Variants in ASPH observed in about 807,000 individuals in gnomAD.
The protein encoded by ASPH is aspartyl/asparaginyl beta-hydroxylase.
In ASPH, 100 loss-of-function variants were observed where a neutral mutation model predicts 118.4. The ratio of observed to expected loss-of-function variants is 0.84; its 90% CI spans 0.72 to 1.00. The LOEUF is 1.00. Among genes scored for constraint, ASPH ranks in the 50% least tolerant of loss-of-function variants. The pLI is 0.00. For missense variants in ASPH, 920 were observed against 919.5 expected (o/e 1.00, Z -0.01); for synonymous variants, 315 against 325.6 (o/e 0.97, Z 0.35).
At chr8:61,622,864 G>A (rs1851475512) in intron 13 of ASPH, among the ~76,000 whole-genome samples, 1 of 152,140 alleles carries the variant, frequency 6.6e-6, no homozygotes, top group Non-Finnish European at 1.5e-5. Flanking sequence ...CGCAGAGTGG[G>A]TGCATTCAAT....
At chr8:61,629,998 G>T (rs150748683) in intron 13 of ASPH, among the ~76,000 whole-genome samples, 64 of 152,202 alleles carry the variant, frequency 4.2e-4, no homozygotes, top group African/African-American at 1.5e-3. Flanking sequence ...TGGGGTCTTA[G>T]AACTATTAAA....
At chr8:61,607,336 T>C (rs1356357828) in intron 14 of ASPH, 1 of 699,768 alleles carries the variant, frequency 1.4e-6, no homozygotes, top group Non-Finnish European at 2.6e-6. Context: ...TAAATGAAAG[T>C]GTGTCGGAAT....
chr8:61,576,662 C>G (rs890050441), intron 16 of ASPH, 110 bp downstream of exon 16: 2 of 911,454 alleles, frequency 2.2e-6, no homozygotes, highest in Non-Finnish European at 3.3e-6. Context: ...ACATGAGAAA[C>G]TGATTCTGTA....
intron 16 of ASPH, among the ~76,000 whole-genome samples, chr8:61,575,033 G>C (rs1834678067): frequency 6.6e-6 from 1 of 152,078 alleles, no homozygotes; most frequent in Non-Finnish European, 1.5e-5. Context: ...TTGACTTGCT[G>C]CTTTCTCTTG....
chr8:61,665,279 T>C lies in ASPH; in HGVS notation c.323-11619A>G, dbSNP rs145678786. The stretch of plus-strand genomic sequence containing the variant: ...GCCGTTTCTTTTCTGGGTATTTCCC[T>C]TTGTTAAGTGTGCATATCTGGTAGA... On this transcript the variant is annotated intron_variant, in intron 3 of 24. Transcript: ENST00000379454. 8.4e-4 allele frequency: 1,349 copies of C among 1,605,046 alleles called. 2 individuals carry two copies. The highest frequency in any genetic ancestry group is 1.4e-3 in the Admixed American group (83 of 57,724).
chr8:61,660,557 G>T (rs186436901), intron 3 of ASPH: 7 of 152,208 alleles, frequency 4.6e-5, no homozygotes, highest in Non-Finnish European at 7.4e-5. Context: ...ACATTCCTGA[G>T]GGTCCATAGA....
intron 7 of ASPH, 116 bp from the exon 8 acceptor site, chr8:61,644,117 G>T: frequency 1.2e-6 from 1 of 818,572 alleles, no homozygotes; most frequent in Non-Finnish European, 2.0e-6. Context: ...AAGTCATAAT[G>T]ATATTCAAAC....
Position 61,576,871 on chromosome 8 carries a change from C to CA in ASPH, c.1063-14dup. The CA allele has an allele frequency of 6.4e-7, 1 of 1,574,720 alleles. No individual in the cohort carries two copies. Among genetic ancestry groups the CA allele is most frequent in the Non-Finnish European group, 8.7e-7 (1 of 1,150,610 alleles). On this transcript the variant is annotated splice_polypyrimidine_tract_variant and intron_variant, in intron 15 of 24. Coordinates refer to ENST00000379454, the MANE Select transcript of ASPH (RefSeq NM_004318.4). ...CCTCAATTTTTCCCTGTTAGAAAGA[C>CA]AAAATTACATAAATAAAATAAATTA...
At chr8:61,601,921 C>T (rs1367753856) in intron 14 of ASPH, among the ~76,000 whole-genome samples, 1 of 151,396 alleles carries the variant, frequency 6.6e-6, no homozygotes, top group Non-Finnish European at 1.5e-5. Flanking sequence ...CCCAAGGTTA[C>T]TTAAGAATAA....
intron 3 of ASPH, chr8:61,664,387 T>G (rs1455713300): frequency 2.1e-6 from 2 of 974,950 alleles, no homozygotes; most frequent in Middle Eastern, 5.2e-4. Context: ...AAAACCTTTC[T>G]ATAGTTATTC....
intron 21 of ASPH, among the ~76,000 whole-genome samples, chr8:61,529,644 A>T (rs1816828632): frequency 6.6e-6 from 1 of 152,196 alleles, no homozygotes; most frequent in Non-Finnish European, 1.5e-5. Flanking sequence ...TCCTAATTAC[A>T]CTCGGCATGT....
intron 3 of ASPH, chr8:61,664,038 A>G (rs1299780427): frequency 4.3e-6 from 4 of 936,676 alleles, no homozygotes; most frequent in African/African-American, 1.8e-5. Flanking sequence ...TCTGTTGTTA[A>G]TAAGGTTAAC....
chr8:61,677,520 C>T (rs959856413), intron 3 of ASPH, among the ~76,000 whole-genome samples: 8 of 152,078 alleles, frequency 5.3e-5, no homozygotes, highest in Admixed American at 1.3e-4. Flanking sequence ...AAGGATAAGA[C>T]GACAACTAAT....
intron 15 of ASPH, among the ~76,000 whole-genome samples, chr8:61,577,636 C>A (rs192301500): frequency 1.3e-5 from 2 of 152,168 alleles, no homozygotes; most frequent in African/African-American, 4.8e-5. Flanking sequence ...AGGAAACTTG[C>A]GATTGTGGCA....
intron 1 of ASPH, among the ~76,000 whole-genome samples, chr8:61,713,244 G>A (rs1344017973): frequency 6.6e-6 from 1 of 152,152 alleles, no homozygotes; most frequent in African/African-American, 2.4e-5. Flanking sequence ...AATATTTATT[G>A]AGCACCTATT....
chr8:61,678,525 A>G (rs1432260266), intron 3 of ASPH, among the ~76,000 whole-genome samples: 1 of 152,108 alleles, frequency 6.6e-6, no homozygotes, highest in East Asian at 1.9e-4. Context: ...TTACTCACAT[A>G]TATTTAATTC....
In ASPH at chr8:61,637,901, C is replaced by T. The variant is rs749589148; in HGVS notation, c.889+46G>A. ...CGATAAATAACTGAATAAACAAACA[C>T]AATTCTCATATGGAAGGTAAAACCA... On this transcript the variant is annotated intron_variant, in intron 12 of 24. Coordinates refer to ENST00000379454, the MANE Select transcript of ASPH (RefSeq NM_004318.4). 3.9e-6 allele frequency: 6 copies of T among 1,536,162 alleles called. No homozygotes were observed. The South Asian group carries it at 5.8e-5, about 15-fold the overall frequency.
chr8:61,561,181 T>C (rs1313345332), intron 18 of ASPH, among the ~76,000 whole-genome samples: 1 of 150,622 alleles, frequency 6.6e-6, no homozygotes, highest in Non-Finnish European at 1.5e-5. Flanking sequence ...TTGTGGCCTC[T>C]GACAGTGACA....
In ASPH at chr8:61,612,140, G is replaced by C. The variant is rs112251908; in HGVS notation, c.976+6838C>G. Among the ~76,000 whole-genome samples the C allele has an allele frequency of 7.0e-3, 1,063 of 151,574 alleles. 10 individuals are homozygous for C. The highest frequency in any genetic ancestry group is 0.024 in the African/African-American group (976 of 41,326). ...TCATAAATAAGTACAAAGAATTAAA[G>C]AAAAACATAGTATTAATGAGTAAAC... On this transcript the variant is annotated intron_variant, in intron 14 of 24. Coordinates refer to ENST00000379454, the MANE Select transcript of ASPH (RefSeq NM_004318.4).
Sources: allele counts gnomAD v4.1 joint callset (sites outside exome capture counted in the v4.1 genomes callset), GRCh38; gene constraint gnomAD v4.1.1; transcripts MANE v1.5; gene names NCBI Gene and HGNC (gene_info 2026-07-23, HGNC 2026-07-21).